COL26A1: variants seen among roughly 807,000 people sequenced by gnomAD.
COL26A1 encodes the protein collagen type XXVI alpha 1 chain.
A neutral mutation model predicts 59.3 loss-of-function variants in COL26A1; 41 were observed. The ratio of observed to expected loss-of-function variants is 0.69; its 90% CI spans 0.54 to 0.90. COL26A1 has a LOEUF of 0.90. Ranked by LOEUF, COL26A1 falls within the 40% of genes least tolerant of loss-of-function variation. The pLI is 0.00. For missense variants in COL26A1, 612 were observed against 602.3 expected (o/e 1.02, Z -0.17); for synonymous variants, 266 against 256.0 (o/e 1.04, Z -0.37).
intron 7 of COL26A1, among the ~76,000 whole-genome samples, chr7:101,546,803 C>T (rs1349965221): frequency 6.6e-6 from 1 of 152,006 alleles, no homozygotes. Context: ...GAGGAGTGAG[C>T]CAGTTGGGTG....
At chr7:101,515,830 C>T (rs1194151170) in intron 3 of COL26A1, among the ~76,000 whole-genome samples, 1 of 152,122 alleles carries the variant, frequency 6.6e-6, no homozygotes, top group Non-Finnish European at 1.5e-5. Context: ...CTCCAGTGAT[C>T]TGCCCACTTC....
At chr7:101,545,287 C>G (rs958256000) in intron 6 of COL26A1, 51 bp from the exon 7 acceptor site, 1 of 1,500,662 alleles carries the variant, frequency 6.7e-7, no homozygotes, top group African/African-American at 1.4e-5. Flanking sequence ...TAAGTTGCAG[C>G]CACCCGCCAG....
At chr7:101,489,519 C>T (rs373883067) in intron 3 of COL26A1, among the ~76,000 whole-genome samples, 57 of 152,276 alleles carry the variant, frequency 3.7e-4, no homozygotes, top group African/African-American at 1.3e-3. Flanking sequence ...CAGCTTTGAA[C>T]TCCTGGGCTC....
chr7:101,396,883 C>T (rs370265586), intron 1 of COL26A1, among the ~76,000 whole-genome samples: 45 of 152,182 alleles, frequency 3.0e-4, no homozygotes, highest in African/African-American at 9.4e-4. Context: ...GGAGATCAGA[C>T]GGTGAATGTG....
chr7:101,526,585 T>C (rs1795252426), intron 3 of COL26A1, among the ~76,000 whole-genome samples: 1 of 152,230 alleles, frequency 6.6e-6, no homozygotes, highest in Non-Finnish European at 1.5e-5. Context: ...TCCTGCCCTA[T>C]CTGCAAATCC....
At chr7:101,529,761 CT>C (rs1279065266) in intron 3 of COL26A1, among the ~76,000 whole-genome samples, 8 of 152,192 alleles carry the variant, frequency 5.3e-5, no homozygotes, top group Admixed American at 1.3e-4. Context: ...TGATTTTATT[CT>C]TTTTCATGGC....
At chr7:101,478,342 C>T (rs77902970) in intron 3 of COL26A1, among the ~76,000 whole-genome samples, 3,281 of 152,174 alleles carry the variant, frequency 0.022, 51 homozygotes, top group Non-Finnish European at 0.034. Context: ...TTCGGGAGAG[C>T]GTGGTGGTAA....
chr7:101,523,353 G>A (rs1795177864), intron 3 of COL26A1, among the ~76,000 whole-genome samples: 1 of 152,150 alleles, frequency 6.6e-6, no homozygotes, highest in African/African-American at 2.4e-5. Context: ...ACAGGCGTGA[G>A]CCACCACACC....
chr7:101,422,039 C>T (rs1014469633), intron 2 of COL26A1, among the ~76,000 whole-genome samples: 8 of 152,040 alleles, frequency 5.3e-5, no homozygotes, highest in African/African-American at 1.4e-4. Context: ...TTGCCAGTTG[C>T]GGTGGCTCAC....
intron 7 of COL26A1, among the ~76,000 whole-genome samples, chr7:101,546,931 GT>G (rs1394955430): frequency 6.6e-6 from 1 of 152,196 alleles, no homozygotes; most frequent in Non-Finnish European, 1.5e-5. Context: ...AGGTATTTAT[GT>G]TTTATATGAA....
chr7:101,441,978 T>A (rs1793069421), intron 2 of COL26A1, among the ~76,000 whole-genome samples: 1 of 152,092 alleles, frequency 6.6e-6, no homozygotes. Context: ...TGTGCAATGT[T>A]GTATAGTGAA....
chr7:101,465,912 A>C (rs1793749030), intron 3 of COL26A1, among the ~76,000 whole-genome samples: 1 of 152,160 alleles, frequency 6.6e-6, no homozygotes, highest in African/African-American at 2.4e-5. Flanking sequence ...GAGTGTGTGC[A>C]GCTGGCTTGG....
chr7:101,555,901 G>T, intron 12 of COL26A1, 30 bp downstream of exon 12: 1 of 1,557,196 alleles, frequency 6.4e-7, no homozygotes, highest in Non-Finnish European at 8.7e-7. Context: ...AGCGGGCTGG[G>T]AATCTCTCTC....
rs1795633330 is a variant in COL26A1, at chr7:101,542,270, T to C, written c.605-1728T>C. Among the ~76,000 whole-genome samples, 11 of 152,200 alleles carry C rather than the reference T, an allele frequency of 7.2e-5. No homozygotes were observed. The South Asian group carries it at 2.3e-3, about 32-fold the overall frequency. On this transcript the variant is annotated intron_variant, in intron 5 of 12. Coordinates refer to ENST00000313669, the MANE Select transcript of COL26A1 (RefSeq NM_001278563.3). The stretch of plus-strand genomic sequence containing the variant: ...GTGTGAGCCAGCACACGCAGCCTAA[T>C]TTTTGTATTTTTAGTAGAGACGGGG...
chr7:101,392,925 A>G (rs1418241320), intron 1 of COL26A1, among the ~76,000 whole-genome samples: 1 of 152,190 alleles, frequency 6.6e-6, no homozygotes. Flanking sequence ...TGAATATGCT[A>G]CTTTACATGG....
intron 4 of COL26A1, among the ~76,000 whole-genome samples, chr7:101,533,521 G>T (rs1447574658): frequency 1.3e-5 from 2 of 152,192 alleles, no homozygotes; most frequent in Non-Finnish European, 2.9e-5. Flanking sequence ...AAAAGACTCC[G>T]TGGAGGAGGA....
chr7:101,419,858 GA>G lies in COL26A1; in HGVS notation c.159-118del, dbSNP rs1344002586. On this transcript the variant is annotated intron_variant, in intron 1 of 12. Coordinates refer to ENST00000313669, the MANE Select transcript of COL26A1 (RefSeq NM_001278563.3). Reference sequence around the variant, plus strand: ...GGGTCTCAGTGGGCCCCCCATCCAAGAGAGCGAGCCTCCACCCCAGGTTTGC... The same window carrying G: ...GGGTCTCAGTGGGCCCCCCATCCAAGGAGCGAGCCTCCACCCCAGGTTTGC... The G allele has an allele frequency of 4.8e-6, 5 of 1,032,692 alleles. No homozygotes were observed. In the Admixed American group the frequency reaches 9.1e-5, roughly 19 times the overall value. The allele number at this position is 1,032,692 out of a possible 1,614,324, so 64.0% of individuals were successfully genotyped here.
At position 101,534,519 on chromosome 7, in the gene COL26A1, C is replaced by T. The variant is rs116727860; in HGVS notation, c.447+1376C>T. Among the ~76,000 whole-genome samples the T allele has an allele frequency of 8.6e-3, 1,307 of 152,172 alleles. 21 individuals are homozygous for T. Among genetic ancestry groups the T allele is most frequent in the African/African-American group, 0.03 (1,263 of 41,504 alleles). ...ATACACATACAGACACACACATTTG[C>T]ACATGTGCACACAGACACATGCACA... On this transcript the variant is annotated intron_variant, in intron 4 of 12. Transcript: ENST00000313669.
At chr7:101,390,270 C>T (rs1411471660) in intron 1 of COL26A1, among the ~76,000 whole-genome samples, 1 of 150,884 alleles carries the variant, frequency 6.6e-6, no homozygotes, top group African/African-American at 2.4e-5. Context: ...ATTCTCCTGC[C>T]TCAGCCTCCC....
Sources: gnomAD v4.1 joint callset for allele counts (sites outside exome capture counted in the v4.1 genomes callset) on GRCh38, gnomAD v4.1.1 for gene constraint, MANE v1.5 for transcripts, NCBI Gene and HGNC (gene_info 2026-07-23, HGNC 2026-07-21) for gene names.